FASN: variants seen among roughly 807,000 people sequenced by gnomAD.
The protein encoded by FASN is 3-hydroxyacyl-[acyl-carrier-protein] dehydratase.
FASN carries 50 observed loss-of-function variants against 250.0 expected under a neutral mutation model. The ratio of observed to expected loss-of-function variants is 0.20; its 90% CI spans 0.16 to 0.25. FASN has a LOEUF of 0.25. FASN is among the 10% of genes least tolerant of loss of function. The pLI is 1.00. For missense variants in FASN, 3,031 were observed against 3,498.5 expected (o/e 0.87, Z 3.37); for synonymous variants, 1,909 against 1,584.0 (o/e 1.21, Z -4.87).
At chr17:82,080,343 G>A (rs971170761) in intron 40 of FASN, 27 bp downstream of exon 40, 2 of 1,606,696 alleles carry the variant, frequency 1.2e-6, no homozygotes, top group Non-Finnish European at 1.7e-6. Context: ...GTTTGCCGTA[G>A]GCCTCTAGGA....
intron 12 of FASN, 28 bp from the exon 13 acceptor site, chr17:82,089,412 A>G: frequency 6.2e-7 from 1 of 1,612,664 alleles, no homozygotes; most frequent in Non-Finnish European, 8.5e-7. Flanking sequence ...CTGGATAAGC[A>G]TCCTGGCTGG....
chr17:82,095,471 C>A lies in FASN; in HGVS notation c.129G>T (p.Gly43=), dbSNP rs146967792. 4.0e-5 allele frequency: 64 copies of A among 1,611,946 alleles called. 1 individual carries two copies. The highest frequency in any genetic ancestry group is 4.9e-5 in the Non-Finnish European group (58 of 1,179,998). The change falls in exon 3 of 43, where the codon GGG becomes GGT. Residue 43 remains glycine (G), a splice_region_variant and synonymous_variant. Coordinates refer to ENST00000306749, the MANE Select transcript of FASN (RefSeq NM_004104.5). ...VTDDDRRWKA[G]LYGLPRRSGK... ...CGGACCGCCGGGGCAGGCCGTAGAG[C>A]CCTGTGGGACAGGCGGGTGTTTAAA...
rs150698814 is a variant in FASN, at chr17:82,085,882, T to A, written c.3733-11A>T. ...GTGGCCAGCCAGCACCTGTAGGGGG[T>A]GAATTCTGGAATCAGCCCCACACCA... On this transcript the variant is annotated splice_polypyrimidine_tract_variant and intron_variant, in intron 22 of 42. Transcript: ENST00000306749. 3.5e-4 allele frequency: 535 copies of A among 1,524,512 alleles called. 1 individual carries two copies. In the African/African-American group the frequency reaches 6.1e-3, roughly 17 times the overall value. The allele number at this position is 1,524,512 out of a possible 1,614,324, so 94.4% of individuals were successfully genotyped here. A position where few individuals can be genotyped will look rare whatever the true frequency, so the allele number is the denominator to read the frequency against.
rs778071106 is a variant in FASN at position 82,090,332 on chromosome 17, C to A, written c.1870+43G>T. 1.3e-5 allele frequency: 20 copies of A among 1,542,742 alleles called. No individual in the cohort carries two copies. The South Asian group carries it at 1.9e-4, about 15-fold the overall frequency. ...TGAGGACCCCACAGCGAGAAGGCAG[C>A]CTCCTTTCTTGGAGGTGCTGGGGGC... is the stretch of plus-strand genomic sequence containing the variant. On this transcript the variant is annotated intron_variant, in intron 11 of 42. Coordinates refer to ENST00000306749, the MANE Select transcript of FASN (RefSeq NM_004104.5).
chr17:82,078,934 CG>C lies in FASN; in HGVS notation c.*208del. On this transcript the variant is annotated 3_prime_UTR_variant, in exon 43 of 43. Coordinates refer to ENST00000306749, the MANE Select transcript of FASN (RefSeq NM_004104.5). This position sits in a 1 kb window ranked among gnomAD's most constrained non-coding sequence, Gnocchi z 5.4. ...CTTCACAGACCAGGAGTCTCCAAGT[CG>C]GCAGCTCTGGTGTCCCCGAGGTGCC... 1.5e-6 allele frequency: 1 copy of C among 645,234 alleles called. No individual in the cohort carries two copies. Among genetic ancestry groups the C allele is most frequent in the Admixed American group, 2.6e-5 (1 of 37,952 alleles). The allele number at this position is 645,234 out of a possible 1,614,324, so 40.0% of individuals were successfully genotyped here.
rs771869882 is a variant in FASN, at chr17:82,081,812, G to A, written c.6195C>T (p.Asp2065=). ...GLAVQWGAIG[D]VGILVETMST... Reference sequence around the variant, plus strand: ...TCATCGTCTCCACCAAAATGCCCACGTCGCCGATGGCGCCCCACTGCACGG... The same window carrying A: ...TCATCGTCTCCACCAAAATGCCCACATCGCCGATGGCGCCCCACTGCACGG... Residue 2065 remains aspartate, a synonymous_variant, in exon 37 of 43, where the codon GAC becomes GAT. Coordinates refer to ENST00000306749, the MANE Select transcript of FASN (RefSeq NM_004104.5). 3.7e-6 allele frequency: 6 copies of A among 1,610,948 alleles called. No individual in the cohort carries two copies. The South Asian group carries it at 4.4e-5, about 12-fold the overall frequency.
intron 1 of FASN, chr17:82,097,314 G>A (rs2034320271): frequency 6.6e-6 from 1 of 152,524 alleles, no homozygotes; most frequent in African/African-American, 2.4e-5. Flanking sequence ...CGGAACGGGT[G>A]CCCAGGCCGC....
At position 82,081,158 on chromosome 17, in the gene FASN, A is replaced by T; in HGVS notation, c.6595+6T>A. 1 of 1,576,708 alleles carries T rather than the reference A, an allele frequency of 6.3e-7. No individual in the cohort carries two copies. The highest frequency in any genetic ancestry group is 8.6e-7 in the Non-Finnish European group (1 of 1,162,694). On this transcript the variant is annotated splice_donor_region_variant and intron_variant, in intron 38 of 42. Coordinates refer to ENST00000306749, the MANE Select transcript of FASN (RefSeq NM_004104.5). ...ACCCCACTCCCGCCTGGCCACCCAC[A>T]CGCACCGCTGGCCTCATCCGCCTTT... is the stretch of plus-strand genomic sequence containing the variant.
Position 82,079,180 on chromosome 17 carries a change from G to C in FASN, c.7499C>G (p.Ser2500Cys). ...CACGCTCACGCGTGGCTCAGCCAGG[G>C]AGCTGTGGATGATGCTGATGATGGA... ...LESIISIIHS[S>C]LAEPRVSVRE... The change falls in exon 43 of 43, where the codon TCC becomes TGC. Residue 2500 changes from serine (S) to cysteine (C), a missense_variant. Ser to Cys is a moderately radical substitution (Grantham distance 112). Transcript: ENST00000306749. 3.1e-6 allele frequency: 5 copies of C among 1,612,842 alleles called. No individual in the cohort carries two copies. Among genetic ancestry groups the C allele is most frequent in the Middle Eastern group, 1.6e-4 (1 of 6,062 alleles).
In FASN at chr17:82,083,948, C is replaced by T. The variant is rs773737170; in HGVS notation, c.5098+27G>A. ...CAGGGCGGCGGGGCCAGGAGGGCAG[C>T]GGGAGGCACCGGGGGCGGGGCCTTA... On this transcript the variant is annotated intron_variant, in intron 29 of 42. Transcript: ENST00000306749. The T allele has an allele frequency of 4.2e-5, 65 of 1,544,864 alleles. No individual in the cohort carries two copies. In the African/African-American group the frequency reaches 5.6e-4, roughly 13 times the overall value.
At position 82,087,916 on chromosome 17, in the gene FASN, A is replaced by C. The variant is rs1168946348; in HGVS notation, c.2866+38T>G. On this transcript the variant is annotated intron_variant, in intron 18 of 42. Coordinates refer to ENST00000306749, the MANE Select transcript of FASN (RefSeq NM_004104.5). ...AGGACGGGCGGCATGGCCAGCGGGCACAGCCTCCGCAGCTCCCGTGCCACC... is the reference window on the plus strand; with the variant it reads ...AGGACGGGCGGCATGGCCAGCGGGCCCAGCCTCCGCAGCTCCCGTGCCACC... 4 of 1,611,948 alleles carry C rather than the reference A, an allele frequency of 2.5e-6. No homozygotes were observed. In the African/African-American group the frequency reaches 4.0e-5, roughly 16 times the overall value.
At chr17:82,084,446 AG>A in intron 27 of FASN, 62 bp from the exon 28 acceptor site, 1 of 1,585,594 alleles carries the variant, frequency 6.3e-7, no homozygotes. Context: ...GCTCCCAGGC[AG>A]GTCCTAGCTG....
chr17:82,081,380 T>C (rs2033984425), intron 37 of FASN, 28 bp from the exon 38 acceptor site: 3 of 1,560,036 alleles, frequency 1.9e-6, no homozygotes, highest in Non-Finnish European at 1.7e-6. Context: ...GGTCGGCAAC[T>C]CCAGAGGGGG....
chr17:82,089,367 G>T lies in FASN; in HGVS notation c.1983C>A (p.Phe661Leu). 6.2e-7 allele frequency: 1 copy of T among 1,612,788 alleles called. No individual in the cohort carries two copies. The highest frequency in any genetic ancestry group is 8.5e-7 in the Non-Finnish European group (1 of 1,179,992). The change falls in exon 13 of 43, where the codon TTC becomes TTA. Residue 661 changes from phenylalanine to leucine, a missense_variant. Phe to Leu is a conservative substitution (Grantham distance 22). Transcript: ENST00000306749. The part of the protein sequence containing the change: ...ISGPQAPVFE[F>L]VEQLRKEGVF... ...CACCCTCCTTCCTCAGCTGCTCCACGAACTCAAACACCGGGGCCTGGACAT... is the reference window on the plus strand; with the variant it reads ...CACCCTCCTTCCTCAGCTGCTCCACTAACTCAAACACCGGGGCCTGGACAT...
At position 82,081,616 on chromosome 17, in the gene FASN, C is replaced by T. The variant is rs768969465; in HGVS notation, c.6391G>A (p.Val2131Met). 7.4e-6 allele frequency: 12 copies of T among 1,612,430 alleles called. No individual in the cohort carries two copies. Among genetic ancestry groups the T allele is most frequent in the Middle Eastern group, 1.6e-4 (1 of 6,084 alleles). Residue 2131 changes from valine to methionine, a missense_variant, in exon 37 of 43, where the codon GTG becomes ATG. Coordinates refer to ENST00000306749, the MANE Select transcript of FASN (RefSeq NM_004104.5). ...GAGTGCTCACCCAGGATGTGTGCCA[C>T]GGCCTCCACCAGGTCCCGCTGGCTG... ...RDSQRDLVEA[V>M]AHILGIRDLA...
chr17:82,085,898 C>T (rs1463975133), intron 22 of FASN, 27 bp from the exon 23 acceptor site: 7 of 1,508,774 alleles, frequency 4.6e-6, no homozygotes, highest in Non-Finnish European at 5.3e-6. Context: ...CTGGAATCAG[C>T]CCCACACCAG....
chr17:82,083,363 C>T lies in FASN; in HGVS notation c.5404G>A (p.Glu1802Lys), dbSNP rs764921764. The T allele has an allele frequency of 6.2e-6, 10 of 1,612,854 alleles. No individual in the cohort carries two copies. The highest frequency in any genetic ancestry group is 5.0e-5 in the Admixed American group (3 of 60,024). ...HGVLLDAFFN[E>K]SSADWREVWA... ...ACCTCCCGCCAGTCAGCACTGCTCT[C>T]GTTGAAGAACGCATCCAGTAGGACC... Residue 1802 changes from glutamate (E) to lysine (K), a missense_variant, in exon 32 of 43, where the codon GAG (glutamate) becomes AAG (lysine). Coordinates refer to ENST00000306749, the MANE Select transcript of FASN (RefSeq NM_004104.5).
Position 82,089,356 on chromosome 17 carries a change from A to C in FASN, c.1994T>G (p.Leu665Arg). 6.2e-7 allele frequency: 1 copy of C among 1,612,798 alleles called. No individual in the cohort carries two copies. Among genetic ancestry groups the C allele is most frequent in the Non-Finnish European group, 8.5e-7 (1 of 1,179,986 alleles). The change falls in exon 13 of 43, where the codon CTG becomes CGG. Residue 665 changes from leucine to arginine, a missense_variant. Transcript: ENST00000306749. ...QAPVFEFVEQ[L>R]RKEGVFAKEV... is the part of the protein sequence containing the mutation. ...CTTGGCAAACACACCCTCCTTCCTC[A>C]GCTGCTCCACGAACTCAAACACCGG...
At chr17:82,081,012 C>T (rs142706865) in intron 38 of FASN, 90 bp from the exon 39 acceptor site, 48 of 1,403,216 alleles carry the variant, frequency 3.4e-5, no homozygotes, top group African/African-American at 1.4e-4. Flanking sequence ...CAGGTCCCCA[C>T]GGTGCTACGT....
Sources: gnomAD v4.1 joint callset for allele counts on GRCh38, gnomAD v4.1.1 for gene constraint, Gnocchi (gnomAD v3.1) non-coding constraint, MANE v1.5 for transcripts, NCBI Gene and HGNC (gene_info 2026-07-23, HGNC 2026-07-21) for gene names.